The following IMPG1 variants were observed in gnomAD, a reference collection of about 807,000 sequenced individuals.
IMPG1 encodes the protein interphotoreceptor matrix proteoglycan of 150 kDa.
In IMPG1, 85 loss-of-function variants were observed where a neutral mutation model predicts 92.0. The observed-to-expected ratio is 0.92, with a 90% CI of 0.78 to 1.11. The LOEUF (loss-of-function observed/expected upper bound fraction) is 1.11, where lower values mean the gene tolerates loss of function less well. Among genes scored for constraint, IMPG1 ranks in the 50% least tolerant of loss-of-function variants. The pLI, the probability that IMPG1 is intolerant of heterozygous loss-of-function variation, is 0.00. For missense variants in IMPG1, 1,022 were observed against 956.0 expected, an observed-to-expected ratio of 1.07 and a Z score of -0.91; for synonymous variants, 367 against 334.1, an observed-to-expected ratio of 1.10 and a Z score of -1.08.
rs189917752 is a variant in IMPG1 at position 75,985,697 on chromosome 6, G to A, written c.1291+17221C>T. 2.0e-5 allele frequency among the ~76,000 whole-genome samples: 3 copies of A among 152,254 alleles called. No homozygotes were observed. In the East Asian group the frequency reaches 5.8e-4, roughly 29 times the overall value. On this transcript the variant is annotated intron_variant, in intron 12 of 16. Coordinates refer to ENST00000369950, the MANE Select transcript of IMPG1 (RefSeq NM_001563.4). ...CTATTCCATTATCTGGCTCCAGGCT[G>A]GACAAAGCTTGGAGAGCAGTTCCTT... is the stretch of plus-strand genomic sequence containing the variant.
intron 1 of IMPG1, among the ~76,000 whole-genome samples, chr6:76,043,940 C>G (rs76471809): frequency 0.011 from 1,643 of 152,334 alleles, 35 homozygotes; most frequent in African/African-American, 0.038. Flanking sequence ...AATAGCCTTT[C>G]CCTTAGGTTT....
At chr6:76,068,350 C>T (rs1290418337) in intron 1 of IMPG1, among the ~76,000 whole-genome samples, 1 of 152,016 alleles carries the variant, frequency 6.6e-6, no homozygotes, top group Non-Finnish European at 1.5e-5. Flanking sequence ...GTTTGGGATA[C>T]AAAATCAGCC....
intron 12 of IMPG1, among the ~76,000 whole-genome samples, chr6:75,979,263 A>AT (rs1466069191): frequency 6.6e-6 from 1 of 152,156 alleles, no homozygotes; most frequent in African/African-American, 2.4e-5. Flanking sequence ...GGTCCTCAAT[A>AT]AGGCTGACAT....
At chr6:76,023,614 T>C (rs926554336) in intron 5 of IMPG1, among the ~76,000 whole-genome samples, 3 of 152,196 alleles carry the variant, frequency 2.0e-5, no homozygotes, top group African/African-American at 7.2e-5. Context: ...TCTGTGTGTA[T>C]ACTTCAACTG....
chr6:75,971,579 C>T (rs1184256473), intron 12 of IMPG1, among the ~76,000 whole-genome samples: 1 of 152,174 alleles, frequency 6.6e-6, no homozygotes, highest in Non-Finnish European at 1.5e-5. Context: ...TTTACACATC[C>T]ATTGCATTCC....
At chr6:75,990,588 T>TACACACACACAC (rs112985372) in intron 12 of IMPG1, among the ~76,000 whole-genome samples, 2,032 of 144,956 alleles carry the variant, frequency 0.014, 21 homozygotes, top group East Asian at 0.035. Flanking sequence ...ACCCCACCTC[T>TACACACACACAC]ACACACACAC....
chr6:76,050,969 C>T (rs573025712), intron 1 of IMPG1, among the ~76,000 whole-genome samples: 1 of 152,228 alleles, frequency 6.6e-6, no homozygotes, highest in East Asian at 1.9e-4. Context: ...GAAAAGGTCT[C>T]AATGTCTTAA....
chr6:76,031,132 G>T (rs1783646816), intron 4 of IMPG1, among the ~76,000 whole-genome samples: 1 of 152,146 alleles, frequency 6.6e-6, no homozygotes, highest in South Asian at 2.1e-4. Context: ...CCCAATTTTA[G>T]CTGAACTAAG....
intron 15 of IMPG1, among the ~76,000 whole-genome samples, chr6:75,924,706 AAT>A (rs1562335297): frequency 0.063 from 99 of 1,570 alleles, 15 homozygotes; most frequent in South Asian, 0.12. Context: ...AATTATATAT[AAT>A]ATATAATATA....
At chr6:75,932,854 C>T (rs572453612) in intron 14 of IMPG1, among the ~76,000 whole-genome samples, 1 of 152,126 alleles carries the variant, frequency 6.6e-6, no homozygotes, top group African/African-American at 2.4e-5. Flanking sequence ...GTGCCCTTCA[C>T]CATGCCCAGC....
At position 75,931,026 on chromosome 6, in the gene IMPG1, C is replaced by T. The variant is rs200519078; in HGVS notation, c.2170G>A (p.Gly724Ser). Residue 724 changes from glycine (G) to serine (S), a missense_variant, in exon 15 of 17, where the codon GGT becomes AGT. Coordinates refer to ENST00000369950, the MANE Select transcript of IMPG1 (RefSeq NM_001563.4). Reference protein sequence around the residue: ...PGYDSQGSLDGLEPGLCGPGT... With the variant: ...PGYDSQGSLDSLEPGLCGPGT... The stretch of plus-strand genomic sequence containing the variant: ...GGGCCACAGAGGCCTGGTTCCAGAC[C>T]GTCCAGGCTCCCCTGGCTGTCATAT... 3.8e-5 allele frequency: 62 copies of T among 1,614,052 alleles called. 1 individual carries two copies. Among genetic ancestry groups the T allele is most frequent in the South Asian group, 1.3e-4 (12 of 91,084 alleles).
chr6:75,950,630 AG>A lies in IMPG1; in HGVS notation c.1755del (p.Phe586SerfsTer48). 6.2e-7 allele frequency: 1 copy of A among 1,613,902 alleles called. No individual in the cohort carries two copies. The highest frequency in any genetic ancestry group is 8.5e-7 in the Non-Finnish European group (1 of 1,179,872). ...VFFSLRVANMAFSNDLFNKSS... is the reference protein window; with the variant it reads ...VFFSLRVANMXFSNDLFNKSS... ...CTCTTGTTGAACAGGTCGTTGGAGA[AG>A]GCCATGTTAGCAACACGCAGACTGA... On this transcript the variant is annotated frameshift_variant, in exon 13 of 17. Transcript: ENST00000369950. LOFTEE classifies it high-confidence loss of function.
At chr6:75,987,503 C>A (rs1254628545) in intron 12 of IMPG1, among the ~76,000 whole-genome samples, 1 of 148,842 alleles carries the variant, frequency 6.7e-6, no homozygotes. Flanking sequence ...ATGTTCCCCA[C>A]CCTGTGTCTA....
chr6:75,950,153 C>T (rs1781999056), intron 13 of IMPG1, among the ~76,000 whole-genome samples: 2 of 152,186 alleles, frequency 1.3e-5, no homozygotes, highest in South Asian at 2.1e-4. Context: ...TACTCCTGAA[C>T]TCTCAGCCTC....
At chr6:75,944,206 TC>T (rs747475990) in intron 14 of IMPG1, among the ~76,000 whole-genome samples, 9 of 152,204 alleles carry the variant, frequency 5.9e-5, no homozygotes, top group Non-Finnish European at 1.3e-4. Flanking sequence ...CAGTGACTAT[TC>T]CCTGTGCCCC....
chr6:75,948,072 G>A (rs1781957841), intron 13 of IMPG1, among the ~76,000 whole-genome samples: 2 of 152,192 alleles, frequency 1.3e-5, no homozygotes, highest in African/African-American at 4.8e-5. Flanking sequence ...GCAGGAAACT[G>A]GCAGTTAGGA....
intron 12 of IMPG1, among the ~76,000 whole-genome samples, chr6:75,952,050 G>A (rs1012727282): frequency 1.3e-5 from 2 of 152,158 alleles, no homozygotes; most frequent in African/African-American, 4.8e-5. Context: ...CCTTGGGTAA[G>A]TACACATTGA....
chr6:75,929,629 G>A (rs1008507709), intron 15 of IMPG1, among the ~76,000 whole-genome samples: 6 of 151,008 alleles, frequency 4.0e-5, no homozygotes, highest in Non-Finnish European at 7.4e-5. Flanking sequence ...CAGCACACCA[G>A]CATGGCACAT....
At chr6:75,941,597 A>G (rs570080355) in intron 14 of IMPG1, among the ~76,000 whole-genome samples, 12 of 152,376 alleles carry the variant, frequency 7.9e-5, no homozygotes, top group African/African-American at 2.2e-4. Flanking sequence ...TTGCTGATGC[A>G]TGGAAAGCAA....
Sources: gnomAD v4.1 joint callset for allele counts (sites outside exome capture counted in the v4.1 genomes callset) on GRCh38, gnomAD v4.1.1 for gene constraint, MANE v1.5 for transcripts, NCBI Gene and HGNC (gene_info 2026-07-23, HGNC 2026-07-21) for gene names.